The following SV2C variants were observed in gnomAD, a reference collection of about 807,000 sequenced individuals.
SV2C encodes synaptic vesicle glycoprotein 2C, also known as solute carrier family 22 member B3.
A neutral mutation model predicts 79.7 loss-of-function variants in SV2C; 49 were observed. That is an observed-to-expected ratio of 0.61 (90% confidence interval 0.49 to 0.78). The LOEUF (loss-of-function observed/expected upper bound fraction) is 0.78, where lower values mean the gene tolerates loss of function less well. Ranked by LOEUF, SV2C falls within the 30% of genes least tolerant of loss-of-function variation. SV2C has a pLI of 0.00. For synonymous variants in SV2C, 334 were observed against 333.2 expected, an observed-to-expected ratio of 1.00 and a Z score of -0.03; for missense variants, 833 against 912.9, an observed-to-expected ratio of 0.91 and a Z score of 1.13.
intron 1 of SV2C, among the ~76,000 whole-genome samples, chr5:76,095,403 G>A (rs1747522474): frequency 6.6e-6 from 1 of 152,036 alleles, no homozygotes; most frequent in Non-Finnish European, 1.5e-5. Context: ...TCTTATGTCA[G>A]CTTTAGTGTG....
the SV2C span, among the ~76,000 whole-genome samples, chr5:75,847,839 C>G: frequency 2.6e-5 from 4 of 152,158 alleles, no homozygotes; most frequent in African/African-American, 7.2e-5. Flanking sequence ...TGATTGCACT[C>G]TCTGAACTCC....
the SV2C span, among the ~76,000 whole-genome samples, chr5:75,872,064 CAT>C: frequency 6.9e-6 from 1 of 145,418 alleles, no homozygotes; most frequent in African/African-American, 2.5e-5. Flanking sequence ...TTTATATATA[CAT>C]ATATATGAAT....
the SV2C span, among the ~76,000 whole-genome samples, chr5:75,993,863 T>G: frequency 6.6e-6 from 1 of 152,060 alleles, no homozygotes. Flanking sequence ...CTCAGGCTAA[T>G]GGGTTCAGGC....
intron 4 of SV2C, 89 bp from the exon 5 acceptor site, chr5:76,285,073 T>C: frequency 3.2e-6 from 5 of 1,552,432 alleles, no homozygotes; most frequent in Non-Finnish European, 4.4e-6. Context: ...ACTTGACTAA[T>C]AAGTCCATGG....
chr5:76,258,500 G>A (rs1258933936), intron 4 of SV2C, among the ~76,000 whole-genome samples: 1 of 152,176 alleles, frequency 6.6e-6, no homozygotes, highest in Non-Finnish European at 1.5e-5. Flanking sequence ...ACAGCAAGAA[G>A]AATGTTCAGA....
At chr5:75,930,354 A>T in the SV2C span, among the ~76,000 whole-genome samples, 1 of 152,252 alleles carries the variant, frequency 6.6e-6, no homozygotes, top group African/African-American at 2.4e-5. Context: ...GTAAATTTTA[A>T]GATATCCTAG....
At chr5:76,148,623 A>T (rs2336686) in intron 2 of SV2C, among the ~76,000 whole-genome samples, 62,208 of 151,872 alleles carry the variant, frequency 0.41, 13,245 homozygotes, top group Middle Eastern at 0.5. Flanking sequence ...CTAATTTTTT[A>T]AAAAAATTTT....
At chr5:75,897,885 A>G in the SV2C span, among the ~76,000 whole-genome samples, 1 of 151,950 alleles carries the variant, frequency 6.6e-6, no homozygotes, top group South Asian at 2.1e-4. Context: ...TTATTGGTGT[A>G]TAAGAATGCT....
chr5:75,931,861 T>G, the SV2C span, among the ~76,000 whole-genome samples: 1 of 152,340 alleles, frequency 6.6e-6, no homozygotes, highest in African/African-American at 2.4e-5. Context: ...GTGCTTCTTC[T>G]GTATATCTTG....
the SV2C span, among the ~76,000 whole-genome samples, chr5:75,876,222 T>A: frequency 9.9e-5 from 15 of 152,226 alleles, no homozygotes; most frequent in South Asian, 3.1e-3. Context: ...ATATACATCA[T>A]GGAATACTAT....
Position 76,173,466 on chromosome 5 carries a change from A to G in SV2C, c.581-21453A>G, listed in dbSNP as rs541698386. On this transcript the variant is annotated intron_variant, in intron 2 of 12. Transcript: ENST00000502798. Reference sequence around the variant, plus strand: ...CTTGTGATACTGGAAAGTGATTAGAATGTGCAAACTGATATAGTAGCTTTC... The same window carrying G: ...CTTGTGATACTGGAAAGTGATTAGAGTGTGCAAACTGATATAGTAGCTTTC... Among the ~76,000 whole-genome samples the G allele has an allele frequency of 1.6e-4, 25 of 152,278 alleles. No individual in the cohort carries two copies. In the South Asian group the frequency reaches 5.0e-3, roughly 30 times the overall value.
the SV2C span, among the ~76,000 whole-genome samples, chr5:75,879,339 C>T: frequency 2.0e-5 from 3 of 152,178 alleles, no homozygotes; most frequent in African/African-American, 7.2e-5. Flanking sequence ...ATACTCATCT[C>T]CTTCCACCTA....
intron 1 of SV2C, among the ~76,000 whole-genome samples, chr5:76,096,386 G>A (rs970857229): frequency 1.3e-5 from 2 of 152,102 alleles, no homozygotes; most frequent in African/African-American, 4.8e-5. Flanking sequence ...GCCACATCAT[G>A]CTGCTTACAT....
intron 2 of SV2C, among the ~76,000 whole-genome samples, chr5:76,133,942 T>A (rs906138896): frequency 6.6e-6 from 1 of 152,188 alleles, no homozygotes; most frequent in Non-Finnish European, 1.5e-5. Flanking sequence ...ATTGCCAGCT[T>A]AAATTTAGAA....
At chr5:76,248,696 G>A (rs1746022256) in intron 4 of SV2C, among the ~76,000 whole-genome samples, 1 of 150,604 alleles carries the variant, frequency 6.6e-6, no homozygotes, top group South Asian at 2.1e-4. Flanking sequence ...TTGGCTCACT[G>A]CAACCTCCAC....
At chr5:75,960,201 C>T in the SV2C span, among the ~76,000 whole-genome samples, 1 of 151,834 alleles carries the variant, frequency 6.6e-6, no homozygotes, top group African/African-American at 2.4e-5. Context: ...TTGTTATAAC[C>T]CTATTAACTG....
chr5:75,963,838 G>T, the SV2C span, among the ~76,000 whole-genome samples: 2 of 152,014 alleles, frequency 1.3e-5, no homozygotes, highest in Non-Finnish European at 2.9e-5. Flanking sequence ...GTCTCTTAGT[G>T]TTTCTCTCAT....
At chr5:75,847,968 C>T in the SV2C span, among the ~76,000 whole-genome samples, 9 of 152,236 alleles carry the variant, frequency 5.9e-5, no homozygotes, top group Non-Finnish European at 1.2e-4. Flanking sequence ...AGCTCCATGC[C>T]AGCTTAGCAA....
chr5:76,089,211 T>C (rs971119647), intron 1 of SV2C, among the ~76,000 whole-genome samples: 1 of 152,146 alleles, frequency 6.6e-6, no homozygotes, highest in African/African-American at 2.4e-5. Flanking sequence ...CCAGTGTGTA[T>C]TGTTCCCCTC....
Sources: gnomAD v4.1 joint callset for allele counts (sites outside exome capture counted in the v4.1 genomes callset) on GRCh38, gnomAD v4.1.1 for gene constraint, MANE v1.5 for transcripts, NCBI Gene and HGNC (gene_info 2026-07-23, HGNC 2026-07-21) for gene names.